Variants in FUT8 observed in about 807,000 individuals in gnomAD.
FUT8 encodes the protein fucosyltransferase 8.
Under a neutral mutation model 71.3 loss-of-function variants are expected in FUT8, and 29 were observed. The ratio of observed to expected loss-of-function variants is 0.41; its 90% CI spans 0.30 to 0.55. The LOEUF is 0.55. Ranked by LOEUF, FUT8 falls within the 20% of genes least tolerant of loss-of-function variation. The pLI is 0.34. For missense variants in FUT8, 544 were observed against 702.1 expected (o/e 0.77, Z 2.55); for synonymous variants, 254 against 239.3 (o/e 1.06, Z -0.57).
intron 2 of FUT8, among the ~76,000 whole-genome samples, chr14:65,501,093 AT>A (rs1566787412): frequency 6.6e-6 from 1 of 152,190 alleles, no homozygotes. Flanking sequence ...CCATCTAGCC[AT>A]GATGGCTCAG....
intron 3 of FUT8, among the ~76,000 whole-genome samples, chr14:65,597,544 A>G (rs1888052421): frequency 6.6e-6 from 1 of 151,692 alleles, no homozygotes; most frequent in African/African-American, 2.4e-5. Flanking sequence ...AATGGTGTGA[A>G]CCCGGGAGGC....
intron 2 of FUT8, among the ~76,000 whole-genome samples, chr14:65,480,084 T>C (rs2066306526): frequency 1.3e-5 from 2 of 152,106 alleles, no homozygotes; most frequent in African/African-American, 4.8e-5. Flanking sequence ...TTCTTGACTA[T>C]GGGTAAATGT....
At chr14:65,495,889 C>T (rs1360191294) in intron 2 of FUT8, among the ~76,000 whole-genome samples, 41 of 152,136 alleles carry the variant, frequency 2.7e-4, no homozygotes, top group Non-Finnish European at 2.2e-4. Context: ...GCTAGAAATA[C>T]ACTTGGAAGG....
intron 9 of FUT8, among the ~76,000 whole-genome samples, chr14:65,729,034 G>GTTTTTTTTTTTT (rs557668131): frequency 1.9e-5 from 2 of 103,664 alleles, no homozygotes; most frequent in Non-Finnish European, 3.7e-5. Context: ...TTGTAAACAT[G>GTTTTTTTTTTTT]TTTTTTTTTT....
chr14:65,531,302 T>C (rs1247213275), intron 2 of FUT8, among the ~76,000 whole-genome samples: 1 of 152,108 alleles, frequency 6.6e-6, no homozygotes, highest in Non-Finnish European at 1.5e-5. Flanking sequence ...TTACAATATT[T>C]GAGTTCCTGT....
At chr14:65,451,001 C>T (rs112585681) in intron 1 of FUT8, among the ~76,000 whole-genome samples, 17 of 152,118 alleles carry the variant, frequency 1.1e-4, no homozygotes, top group African/African-American at 3.9e-4. Context: ...GGACTACAGG[C>T]GCCTGCCACC....
chr14:65,731,793 C>T (rs1895995214), intron 9 of FUT8, among the ~76,000 whole-genome samples: 1 of 152,136 alleles, frequency 6.6e-6, no homozygotes, highest in Non-Finnish European at 1.5e-5. Flanking sequence ...CCGCACCCAG[C>T]CTTAGGTACC....
chr14:65,724,727 A>G (rs1895592620), intron 9 of FUT8, among the ~76,000 whole-genome samples: 1 of 152,186 alleles, frequency 6.6e-6, no homozygotes. Context: ...CAAGATCAAG[A>G]TGCTAGCAAG....
chr14:65,392,484 A>C, the FUT8 span, among the ~76,000 whole-genome samples: 1 of 152,204 alleles, frequency 6.6e-6, no homozygotes, highest in South Asian at 2.1e-4. Context: ...CTGCTTTAAA[A>C]TTTCTGGTGC....
intron 3 of FUT8, among the ~76,000 whole-genome samples, chr14:65,579,757 G>T (rs930840487): frequency 6.6e-6 from 1 of 152,088 alleles, no homozygotes. Flanking sequence ...TAAACTGCCT[G>T]TGCAGTTGTC....
At chr14:65,399,144 C>T in the FUT8 span, among the ~76,000 whole-genome samples, 1 of 152,074 alleles carries the variant, frequency 6.6e-6, no homozygotes, top group Admixed American at 6.5e-5. Context: ...TGGTGAAACC[C>T]CGTCTCTAGT....
intron 2 of FUT8, among the ~76,000 whole-genome samples, chr14:65,465,177 G>A (rs1345731219): frequency 2.6e-5 from 4 of 152,018 alleles, no homozygotes. Context: ...GATTTTTGTT[G>A]TTTTCTTCTG....
intron 7 of FUT8, among the ~76,000 whole-genome samples, chr14:65,697,891 C>T (rs1290197068): frequency 6.6e-6 from 1 of 151,994 alleles, no homozygotes; most frequent in Non-Finnish European, 1.5e-5. Flanking sequence ...AGGAGAATCA[C>T]TTGAACCCAG....
At chr14:65,378,837 G>GTTTTTTTTTTTTT in the FUT8 span, among the ~76,000 whole-genome samples, 3 of 66,850 alleles carry the variant, frequency 4.5e-5, no homozygotes, top group African/African-American at 5.8e-5. Context: ...TCACAAGAAG[G>GTTTTTTTTTTTTT]TTTTTTTTTT....
At chr14:65,606,513 T>C (rs980625265) in intron 3 of FUT8, among the ~76,000 whole-genome samples, 1 of 151,930 alleles carries the variant, frequency 6.6e-6, no homozygotes, top group Non-Finnish European at 1.5e-5. Flanking sequence ...TTCTAAAATT[T>C]TTAAGTTTTG....
the FUT8 span, among the ~76,000 whole-genome samples, chr14:65,382,635 C>T: frequency 2.0e-5 from 3 of 152,150 alleles, no homozygotes; most frequent in Non-Finnish European, 4.4e-5. Context: ...TCACCGTGCT[C>T]GGCCAGTTAC....
At chr14:65,358,212 T>TA in the FUT8 span, among the ~76,000 whole-genome samples, 1 of 152,226 alleles carries the variant, frequency 6.6e-6, no homozygotes, top group African/African-American at 2.4e-5. Context: ...AAAGAAATGA[T>TA]AAATGTTTAA....
intron 1 of FUT8, among the ~76,000 whole-genome samples, chr14:65,443,457 A>G (rs889789666): frequency 9.9e-5 from 15 of 150,960 alleles, no homozygotes; most frequent in Middle Eastern, 3.4e-3. Flanking sequence ...GCAGTGGCTC[A>G]CACCTATGAT....
chr14:65,693,292 G>A (rs1594904689), intron 7 of FUT8, among the ~76,000 whole-genome samples: 1 of 152,220 alleles, frequency 6.6e-6, no homozygotes, highest in African/African-American at 2.4e-5. Context: ...ATCACTCGCG[G>A]TTAGGAGCTG....
Sources: gnomAD v4.1 joint callset for allele counts (sites outside exome capture counted in the v4.1 genomes callset) on GRCh38, gnomAD v4.1.1 for gene constraint, MANE v1.5 for transcripts, NCBI Gene and HGNC (gene_info 2026-07-23, HGNC 2026-07-21) for gene names.